The following DSCAM variants were observed in gnomAD, a reference collection of about 807,000 sequenced individuals.
DSCAM encodes DS cell adhesion molecule, also known as cell adhesion molecule DSCAM.
A neutral mutation model predicts 217.7 loss-of-function variants in DSCAM; 47 were observed. That is an observed-to-expected ratio of 0.22 (90% CI 0.17 to 0.28). The LOEUF (loss-of-function observed/expected upper bound fraction) is 0.28. Among genes scored for constraint, DSCAM ranks in the 10% least tolerant of loss-of-function variants. The pLI, the probability that DSCAM is intolerant of heterozygous loss-of-function variation, is 1.00. For missense variants in DSCAM, 2,080 were observed against 2,618.3 expected, an observed-to-expected ratio of 0.79 and a Z score of 4.49; for synonymous variants, 1,056 against 1,015.3, an observed-to-expected ratio of 1.04 and a Z score of -0.76.
chr21:40,754,489 T>C (rs950139345), intron 1 of DSCAM, among the ~76,000 whole-genome samples: 3 of 152,178 alleles, frequency 2.0e-5, no homozygotes, highest in Non-Finnish European at 2.9e-5. Context: ...GTCGCCACTA[T>C]GAGAAATGGC....
intron 1 of DSCAM, among the ~76,000 whole-genome samples, chr21:40,836,715 G>A (rs971411982): frequency 6.6e-6 from 1 of 152,140 alleles, no homozygotes; most frequent in African/African-American, 2.4e-5. Flanking sequence ...AACAGGCAAA[G>A]GCATGCGTTA....
In DSCAM at chr21:40,042,016, C is replaced by T. The variant is rs114940514; in HGVS notation, c.5686+355G>A. On this transcript the variant is annotated intron_variant, in intron 32 of 32. Coordinates refer to ENST00000400454, the MANE Select transcript of DSCAM (RefSeq NM_001389.5). ...CACAGACTGTATCTTGGACCATTTG[C>T]TGCTAGAACCCAGCCACCATGCTGT... is the stretch of plus-strand genomic sequence containing the variant. 3.2e-3 allele frequency among the ~76,000 whole-genome samples: 488 copies of T among 152,226 alleles called. 4 individuals are homozygous for T. Among genetic ancestry groups the T allele is most frequent in the African/African-American group, 0.011 (465 of 41,534 alleles).
intron 3 of DSCAM, among the ~76,000 whole-genome samples, chr21:40,510,675 G>A (rs889434303): frequency 6.6e-6 from 1 of 152,190 alleles, no homozygotes; most frequent in Non-Finnish European, 1.5e-5. Context: ...CATTACAGAA[G>A]TTACAATCAT....
At chr21:40,025,615 G>A (rs1183771130) in intron 32 of DSCAM, among the ~76,000 whole-genome samples, 4 of 150,842 alleles carry the variant, frequency 2.7e-5, no homozygotes, top group East Asian at 1.9e-4. Flanking sequence ...TGTATGTGTC[G>A]AGGAATTTAT....
intron 10 of DSCAM, among the ~76,000 whole-genome samples, chr21:40,281,378 T>C (rs1381122486): frequency 6.6e-6 from 1 of 152,210 alleles, no homozygotes; most frequent in Non-Finnish European, 1.5e-5. Flanking sequence ...TAAGATTATA[T>C]GGCTGTCTGT....
intron 3 of DSCAM, among the ~76,000 whole-genome samples, chr21:40,456,855 A>G (rs2075767940): frequency 6.6e-6 from 1 of 152,220 alleles, no homozygotes; most frequent in Non-Finnish European, 1.5e-5. Context: ...TTTTCATAAT[A>G]AAATGATGAA....
chr21:40,112,855 G>C (rs950714786), intron 20 of DSCAM, among the ~76,000 whole-genome samples: 4 of 152,098 alleles, frequency 2.6e-5, no homozygotes. Context: ...ACCCTCCCAA[G>C]ACTAAACCAG....
intron 10 of DSCAM, among the ~76,000 whole-genome samples, chr21:40,276,630 C>T (rs2073691294): frequency 6.6e-6 from 1 of 152,150 alleles, no homozygotes; most frequent in Non-Finnish European, 1.5e-5. Flanking sequence ...AAATAAATTC[C>T]TTGTGTTCCC....
Position 40,305,468 on chromosome 21 carries a change from G to A in DSCAM, c.2062+6613C>T, listed in dbSNP as rs1282603695. Among the ~76,000 whole-genome samples, 3 of 151,804 alleles carry A rather than the reference G, an allele frequency of 2.0e-5. No homozygotes were observed. In the East Asian group the frequency reaches 5.8e-4, roughly 29 times the overall value. On this transcript the variant is annotated intron_variant, in intron 9 of 32. Transcript: ENST00000400454. ...AATTAGATCCCATTTGTCAATTCTGGCTTTTGTTTCCATTGCTTTTGGTGT... is the reference window on the plus strand; with the variant it reads ...AATTAGATCCCATTTGTCAATTCTGACTTTTGTTTCCATTGCTTTTGGTGT...
intron 1 of DSCAM, among the ~76,000 whole-genome samples, chr21:40,801,807 T>A (rs924018992): frequency 6.6e-6 from 1 of 151,926 alleles, no homozygotes; most frequent in South Asian, 2.1e-4. Flanking sequence ...AAAGCAAGAG[T>A]TGTAGAGGAT....
chr21:40,208,750 A>G (rs2091152274), intron 11 of DSCAM, among the ~76,000 whole-genome samples: 1 of 152,186 alleles, frequency 6.6e-6, no homozygotes, highest in African/African-American at 2.4e-5. Context: ...TTAGCCCTAC[A>G]CAAAATCCCC....
chr21:40,411,747 C>T (rs928345462), intron 3 of DSCAM, among the ~76,000 whole-genome samples: 2 of 152,148 alleles, frequency 1.3e-5, no homozygotes, highest in Admixed American at 1.3e-4. Flanking sequence ...CGAGATGCCA[C>T]TGAAGATCTT....
intron 2 of DSCAM, among the ~76,000 whole-genome samples, chr21:40,699,721 G>A (rs1303390697): frequency 6.6e-6 from 1 of 152,162 alleles, no homozygotes; most frequent in Non-Finnish European, 1.5e-5. Context: ...ATTCCAGGGA[G>A]GCTTAGAGGG....
At chr21:40,811,552 C>G (rs1021297210) in intron 1 of DSCAM, among the ~76,000 whole-genome samples, 3 of 152,098 alleles carry the variant, frequency 2.0e-5, no homozygotes, top group Admixed American at 2.0e-4. Context: ...TTCTTTCCAC[C>G]AGAAATTGGG....
Position 40,044,110 on chromosome 21 carries a change from T to C in DSCAM, c.5351A>G (p.Asp1784Gly). ...RAAGSVDKES[D>G]SYSVSPSQDT... ...TTGCGAGGGGCTGACGCTGTAACTG[T>C]CGCTCTCTTTGTCTACTGATCCTGC... Residue 1784 changes from aspartate to glycine, a missense_variant, in exon 31 of 33, where the codon GAC becomes GGC. Physicochemically the swap from Asp to Gly is moderately conservative, Grantham distance 94. Coordinates refer to ENST00000400454, the MANE Select transcript of DSCAM (RefSeq NM_001389.5). 6.2e-7 allele frequency: 1 copy of C among 1,614,012 alleles called. No homozygotes were observed. Among genetic ancestry groups the C allele is most frequent in the Non-Finnish European group, 8.5e-7 (1 of 1,180,032 alleles).
chr21:40,097,954 A>AAAGGAAAGAAAG (rs2089698628), intron 20 of DSCAM, among the ~76,000 whole-genome samples: 1 of 51,516 alleles, frequency 1.9e-5, no homozygotes, highest in Non-Finnish European at 3.6e-5. Flanking sequence ...AAAAAAAAAA[A>AAAGGAAAGAAAG]AAAGAAAGAA....
At chr21:40,240,863 T>C (rs2073143368) in intron 11 of DSCAM, among the ~76,000 whole-genome samples, 1 of 152,192 alleles carries the variant, frequency 6.6e-6, no homozygotes, top group African/African-American at 2.4e-5. Context: ...CTGATGATTC[T>C]ATCAAGATCT....
intron 3 of DSCAM, among the ~76,000 whole-genome samples, chr21:40,461,954 C>A (rs1051654831): frequency 3.3e-5 from 5 of 152,156 alleles, no homozygotes; most frequent in African/African-American, 1.2e-4. Context: ...GAGCATTTAA[C>A]GCTCTGGACT....
At chr21:40,637,074 T>C (rs1413308458) in intron 3 of DSCAM, among the ~76,000 whole-genome samples, 1 of 132,386 alleles carries the variant, frequency 7.6e-6, no homozygotes, top group Middle Eastern at 3.3e-3. Flanking sequence ...AAAGGTTGGG[T>C]ATTTTTCAAA....
Sources: gnomAD v4.1 joint callset for allele counts (sites outside exome capture counted in the v4.1 genomes callset) on GRCh38, gnomAD v4.1.1 for gene constraint, MANE v1.5 for transcripts, NCBI Gene and HGNC (gene_info 2026-07-23, HGNC 2026-07-21) for gene names.